Variants in OMA1 observed in about 807,000 individuals in gnomAD.
OMA1 encodes metalloendopeptidase OMA1, mitochondrial.
Under a neutral mutation model 30.9 loss-of-function variants are expected in OMA1, and 38 were observed. The ratio of observed to expected loss-of-function variants is 1.23; its 90% CI spans 0.95 to 1.61. The LOEUF is 1.61. OMA1 is among the 40% of genes most tolerant of loss of function. The pLI, the probability that OMA1 is intolerant of heterozygous loss-of-function variation, is 0.00. For synonymous variants in OMA1, 173 were observed against 121.9 expected (o/e 1.42, Z -2.76); for missense variants, 461 against 349.2 (o/e 1.32, Z -2.55).
At chr1:58,506,787 T>C (rs1282227920) in intron 7 of OMA1, among the ~76,000 whole-genome samples, 2 of 152,150 alleles carry the variant, frequency 1.3e-5, no homozygotes, top group African/African-American at 4.8e-5. Context: ...AGAGATGACA[T>C]GTTTATTATG....
chr1:58,481,259 T>A lies in OMA1; in HGVS notation c.1366-85A>T, dbSNP rs1253840416. The A allele has an allele frequency of 1.1e-5, 5 of 472,852 alleles. No individual in the cohort carries two copies. In the East Asian group the frequency reaches 1.4e-4, roughly 13 times the overall value. The allele number at this position is 472,852 out of a possible 1,614,324, so 29.3% of individuals were successfully genotyped here. On this transcript the variant is annotated intron_variant, in intron 8 of 8. Transcript: ENST00000371226. ...TTTCAGTAATCCCTAATATGCTCCA[T>A]GTAAAACAAAGAATGTATTGTTATT... is the stretch of plus-strand genomic sequence containing the variant.
chr1:58,530,977 C>T (rs1646426241), intron 5 of OMA1, among the ~76,000 whole-genome samples: 1 of 152,024 alleles, frequency 6.6e-6, no homozygotes, highest in African/African-American at 2.4e-5. Flanking sequence ...GGATATAAAC[C>T]TACAATTTCT....
At chr1:58,488,404 T>G (rs1174327955) in intron 8 of OMA1, among the ~76,000 whole-genome samples, 3 of 152,346 alleles carry the variant, frequency 2.0e-5, no homozygotes, top group Non-Finnish European at 4.4e-5. Flanking sequence ...TGGTGACTTC[T>G]GAGATTCTGG....
At chr1:58,485,466 ACTT>A (rs368338421) in intron 8 of OMA1, among the ~76,000 whole-genome samples, 155 of 152,026 alleles carry the variant, frequency 1.0e-3, no homozygotes, top group East Asian at 7.2e-3. Context: ...TTCTATCACT[ACTT>A]CTTCATGTGT....
chr1:58,507,999 T>C (rs1041250709), intron 7 of OMA1, among the ~76,000 whole-genome samples: 6 of 152,240 alleles, frequency 3.9e-5, no homozygotes, highest in Admixed American at 1.3e-4. Context: ...GGCATACTTA[T>C]CTAATTTTTT....
rs7537470 is a variant in OMA1, at chr1:58,536,549, T to C, written c.693A>G (p.Glu231=). 0.12 allele frequency: 102,275 copies of C among 872,582 alleles called. 6,385 individuals carry two copies. The highest frequency in any genetic ancestry group is 0.19 in the African/African-American group (11,856 of 61,382). 54.1% of individuals were successfully genotyped at this position (872,582 alleles called of 1,614,324 possible). Residue 231 remains glutamate (E), a synonymous_variant, in exon 3 of 9, where the codon GAA becomes GAG. Coordinates refer to ENST00000371226, the MANE Select transcript of OMA1 (RefSeq NM_145243.5). Reference sequence around the variant, plus strand: ...CCAGTTCCGATAAAAGTCTGAACTGTTCTTTCCCCAATAATAGTAGCTTGC... The same window carrying C: ...CCAGTTCCGATAAAAGTCTGAACTGCTCTTTCCCCAATAATAGTAGCTTGC... ...GRSKLLLLGK[E]QFRLLSELEY...
Position 58,481,152 on chromosome 1 carries a change from C to A in OMA1, c.1388G>T (p.Cys463Phe). 2.3e-6 allele frequency: 2 copies of A among 852,026 alleles called. No homozygotes were observed. Among genetic ancestry groups the A allele is most frequent in the Non-Finnish European group, 4.1e-6 (2 of 492,498 alleles). 52.8% of individuals were successfully genotyped at this position (852,026 alleles called of 1,614,324 possible). A position where few individuals can be genotyped will look rare whatever the true frequency, so the allele number is the denominator to read the frequency against. Reference protein sequence around the residue: ...IPQALKIREMCNCPPLSNPDP... With the variant: ...IPQALKIREMFNCPPLSNPDP... ...TGGATTAGACAGTGGTGGACAATTA[C>A]ACATCTCTCTAATTTTGAGAGCCTA... Residue 463 changes from cysteine to phenylalanine, a missense_variant, in exon 9 of 9, where the codon TGT (cysteine) becomes TTT (phenylalanine). Transcript: ENST00000371226.
chr1:58,484,688 G>A (rs982688236), intron 8 of OMA1, among the ~76,000 whole-genome samples: 1 of 152,114 alleles, frequency 6.6e-6, no homozygotes, highest in African/African-American at 2.4e-5. Flanking sequence ...ATAGGTGAAT[G>A]GATAAACTGT....
chr1:58,492,752 T>G (rs1001064810), intron 8 of OMA1, among the ~76,000 whole-genome samples: 7 of 152,138 alleles, frequency 4.6e-5, no homozygotes, highest in East Asian at 1.9e-4. Flanking sequence ...AATAACAGGA[T>G]CTGAAATTGG....
intron 8 of OMA1, among the ~76,000 whole-genome samples, chr1:58,496,281 G>A (rs1285577705): frequency 2.6e-5 from 4 of 151,690 alleles, no homozygotes; most frequent in African/African-American, 7.3e-5. Flanking sequence ...AGCCTCCACC[G>A]AAAGTTTTAC....
At chr1:58,518,849 T>C (rs1646214913) in intron 7 of OMA1, among the ~76,000 whole-genome samples, 1 of 152,118 alleles carries the variant, frequency 6.6e-6, no homozygotes, top group Non-Finnish European at 1.5e-5. Flanking sequence ...AGACACGAGC[T>C]CTAAGAATTT....
chr1:58,534,122 T>C, intron 4 of OMA1, 36 bp downstream of exon 4: 1 of 867,660 alleles, frequency 1.2e-6, no homozygotes, highest in Non-Finnish European at 2.0e-6. Flanking sequence ...GACAATAAAT[T>C]TAACAATTAC....
chr1:58,505,718 C>T (rs910309465), intron 8 of OMA1, among the ~76,000 whole-genome samples: 2 of 152,064 alleles, frequency 1.3e-5, no homozygotes, highest in African/African-American at 4.8e-5. Context: ...AAGCTTAAAT[C>T]ACCAAGGAAA....
rs932980958 is a variant in OMA1 at position 58,540,113 on chromosome 1, A to G, written c.-16-803T>C. ...GTATACTGCCTATCCCCTCCCCACCATTCAAAGTGGAAAACCTTATCATTC... is the reference window on the plus strand; with the variant it reads ...GTATACTGCCTATCCCCTCCCCACCGTTCAAAGTGGAAAACCTTATCATTC... On this transcript the variant is annotated intron_variant, in intron 1 of 8. Transcript: ENST00000371226. Among the ~76,000 whole-genome samples, 4 of 152,230 alleles carry G rather than the reference A, an allele frequency of 2.6e-5. No individual in the cohort carries two copies. In the East Asian group the frequency reaches 7.7e-4, roughly 29 times the overall value.
intron 7 of OMA1, among the ~76,000 whole-genome samples, chr1:58,509,540 A>G (rs867649315): frequency 2.1e-4 from 32 of 151,782 alleles, no homozygotes; most frequent in Non-Finnish European, 3.8e-4. Context: ...CTACATTAAA[A>G]AAAAAAAGAA....
intron 7 of OMA1, among the ~76,000 whole-genome samples, chr1:58,525,298 T>C (rs2100461419): frequency 6.6e-6 from 1 of 152,206 alleles, no homozygotes; most frequent in African/African-American, 2.4e-5. Context: ...CCTTCCAATA[T>C]ATTTATTGAA....
chr1:58,494,335 T>A (rs1645754604), intron 8 of OMA1, among the ~76,000 whole-genome samples: 1 of 152,028 alleles, frequency 6.6e-6, no homozygotes, highest in African/African-American at 2.4e-5. Context: ...ACCTAGGCAA[T>A]ACCATTCAGG....
At chr1:58,534,869 G>C (rs954750319) in intron 3 of OMA1, among the ~76,000 whole-genome samples, 2 of 152,216 alleles carry the variant, frequency 1.3e-5, no homozygotes, top group Non-Finnish European at 2.9e-5. Context: ...CTAGGAGGTG[G>C]AGGTTGCAGT....
chr1:58,545,657 T>C (rs1486909815), intron 1 of OMA1, among the ~76,000 whole-genome samples: 1 of 152,232 alleles, frequency 6.6e-6, no homozygotes, highest in Non-Finnish European at 1.5e-5. Context: ...TTTCAGATCC[T>C]TAATTCTTTA....
Sources: gnomAD v4.1 joint callset for allele counts (sites outside exome capture counted in the v4.1 genomes callset) on GRCh38, gnomAD v4.1.1 for gene constraint, MANE v1.5 for transcripts, NCBI Gene and HGNC (gene_info 2026-07-23, HGNC 2026-07-21) for gene names.